The following OXCT1 variants were observed in gnomAD, a reference collection of about 807,000 sequenced individuals.
The protein encoded by OXCT1 is 3-oxoacid CoA-transferase 1, also known as succinyl-CoA:3-ketoacid coenzyme A transferase 1, mitochondrial.
In OXCT1, 27 loss-of-function variants were observed where a neutral mutation model predicts 69.6. The ratio of observed to expected loss-of-function variants is 0.39; its 90% CI spans 0.29 to 0.54. The LOEUF is 0.54. OXCT1 is among the 20% of genes least tolerant of loss of function. OXCT1 has a pLI of 0.72. For synonymous variants in OXCT1, 202 were observed against 217.8 expected (o/e 0.93, Z 0.64); for missense variants, 437 against 650.2 (o/e 0.67, Z 3.57).
intron 3 of OXCT1, 79 bp from the exon 4 acceptor site, chr5:41,853,633 G>A: frequency 6.8e-7 from 1 of 1,462,034 alleles, no homozygotes; most frequent in East Asian, 2.4e-5. Context: ...ATAAAACTTT[G>A]TTAATTTAAA....
chr5:41,840,590 G>T lies in OXCT1; in HGVS notation c.672-79C>A, dbSNP rs905053259. The T allele has an allele frequency of 3.6e-6, 3 of 826,256 alleles. No homozygotes were observed. In the South Asian group the frequency reaches 4.6e-5, roughly 13 times the overall value. 51.2% of individuals were successfully genotyped at this position (826,256 alleles called of 1,614,324 possible). A position where few individuals can be genotyped will look rare whatever the true frequency, so the allele number is the denominator to read the frequency against. On this transcript the variant is annotated intron_variant, in intron 6 of 16. Coordinates refer to ENST00000196371, the MANE Select transcript of OXCT1 (RefSeq NM_000436.4). Reference sequence around the variant, plus strand: ...TCTCTGTCACCTTTAAGGTTTTATAGATTAGAATTTCTATGAACTAAGAAT... The same window carrying T: ...TCTCTGTCACCTTTAAGGTTTTATATATTAGAATTTCTATGAACTAAGAAT...
chr5:41,834,488 A>AC (rs1748258059), intron 7 of OXCT1, among the ~76,000 whole-genome samples: 3 of 83,714 alleles, frequency 3.6e-5, no homozygotes, highest in Non-Finnish European at 7.0e-5. Flanking sequence ...GGAAACCCAC[A>AC]AAAAAAAAAA....
At chr5:41,844,527 T>C (rs964248560) in intron 5 of OXCT1, among the ~76,000 whole-genome samples, 11 of 152,006 alleles carry the variant, frequency 7.2e-5, no homozygotes, top group African/African-American at 2.4e-4. Context: ...TTTCTAAATG[T>C]CAACGAGGTG....
chr5:41,842,469 A>T (rs1748672936), intron 6 of OXCT1, among the ~76,000 whole-genome samples: 2 of 152,228 alleles, frequency 1.3e-5, no homozygotes, highest in African/African-American at 2.4e-5. Context: ...TTTAACAAGC[A>T]GTGCAACATA....
intron 13 of OXCT1, among the ~76,000 whole-genome samples, chr5:41,764,489 G>A (rs1052195445): frequency 1.1e-4 from 16 of 152,132 alleles, no homozygotes; most frequent in African/African-American, 3.6e-4. Flanking sequence ...TCCTGGAAAA[G>A]CTTGTTGCCT....
chr5:41,814,688 A>T (rs1377523879), intron 7 of OXCT1, among the ~76,000 whole-genome samples: 3 of 135,396 alleles, frequency 2.2e-5, no homozygotes, highest in African/African-American at 8.4e-5. Flanking sequence ...GAACACATGG[A>T]CACAGGAAGG....
intron 1 of OXCT1, among the ~76,000 whole-genome samples, chr5:41,868,715 T>C (rs1375737850): frequency 1.4e-5 from 2 of 147,532 alleles, no homozygotes; most frequent in African/African-American, 2.5e-5. Context: ...AGAGCGAGAC[T>C]CCGTCTCAAA....
chr5:41,807,423 C>A lies in OXCT1; in HGVS notation c.748G>T (p.Asp250Tyr). ...TTVVEVEEIV[D>Y]IGAFAPEDIH... ...TCTTCTGGAGCAAATGCTCCAATAT[C>A]CACAATTTCTTCAACCTAGACAAAG... The change falls in exon 8 of 17, where the codon GAT (aspartate) becomes TAT (tyrosine). Residue 250 changes from aspartate (D) to tyrosine (Y), a missense_variant. By Grantham distance (160) the Asp-to-Tyr change is radical. Around this residue, in one of 4 missense-constraint regions of OXCT1, gnomAD observed 252 missense variants for 397.4 expected, o/e 0.63. Coordinates refer to ENST00000196371, the MANE Select transcript of OXCT1 (RefSeq NM_000436.4). 6.3e-7 allele frequency: 1 copy of A among 1,593,984 alleles called. No homozygotes were observed. Among genetic ancestry groups the A allele is most frequent in the Non-Finnish European group, 8.6e-7 (1 of 1,162,606 alleles).
At chr5:41,865,184 C>T (rs1372756432) in intron 1 of OXCT1, among the ~76,000 whole-genome samples, 1 of 152,136 alleles carries the variant, frequency 6.6e-6, no homozygotes, top group Non-Finnish European at 1.5e-5. Flanking sequence ...AACAGAAGGT[C>T]TTATTCATTC....
At chr5:41,826,642 A>G (rs1031255661) in intron 7 of OXCT1, among the ~76,000 whole-genome samples, 3 of 152,136 alleles carry the variant, frequency 2.0e-5, no homozygotes, top group African/African-American at 7.2e-5. Context: ...TCAAAAAAAA[A>G]ATGAAAAGAA....
At chr5:41,812,220 G>A (rs2112298286) in intron 7 of OXCT1, among the ~76,000 whole-genome samples, 1 of 152,108 alleles carries the variant, frequency 6.6e-6, no homozygotes, top group South Asian at 2.1e-4. Context: ...ATTGGAAATA[G>A]ACCAGGAAGT....
At chr5:41,862,166 G>A (rs988343597) in intron 2 of OXCT1, among the ~76,000 whole-genome samples, 2 of 152,124 alleles carry the variant, frequency 1.3e-5, no homozygotes, top group Admixed American at 6.5e-5. Flanking sequence ...AACTGAGATC[G>A]CACCACTGCA....
intron 16 of OXCT1, among the ~76,000 whole-genome samples, chr5:41,735,359 C>T (rs1245198946): frequency 6.6e-6 from 1 of 152,136 alleles, no homozygotes; most frequent in Non-Finnish European, 1.5e-5. Context: ...AGGGCAAATA[C>T]TGTATAACTC....
intron 7 of OXCT1, among the ~76,000 whole-genome samples, chr5:41,822,851 G>A (rs35520000): frequency 1.3e-5 from 2 of 151,988 alleles, no homozygotes; most frequent in African/African-American, 4.8e-5. Context: ...TATTAAAGTG[G>A]ATTTCTTATA....
In OXCT1 at chr5:41,791,806, A is replaced by AT. The variant is rs998999445; in HGVS notation, c.1248+2196dup. 5.7e-4 allele frequency among the ~76,000 whole-genome samples: 85 copies of AT among 148,102 alleles called. No individual in the cohort carries two copies. The Middle Eastern group carries it at 0.014, about 24-fold the overall frequency. On this transcript the variant is annotated intron_variant, in intron 13 of 16. Coordinates refer to ENST00000196371, the MANE Select transcript of OXCT1 (RefSeq NM_000436.4). Reference sequence around the variant, plus strand: ...AACTTCTTTTTTATTTTATTTATTTATTTTTTTTTTTATGAGACGGAGTCT... The same window carrying AT: ...AACTTCTTTTTTATTTTATTTATTTATTTTTTTTTTTTATGAGACGGAGTCT...
chr5:41,850,842 T>C (rs968571216), intron 4 of OXCT1, among the ~76,000 whole-genome samples: 1 of 152,196 alleles, frequency 6.6e-6, no homozygotes, highest in Non-Finnish European at 1.5e-5. Context: ...ACCAGTGATT[T>C]CAAGACTAGT....
At chr5:41,745,143 G>T (rs1743403489) in intron 15 of OXCT1, among the ~76,000 whole-genome samples, 1 of 151,800 alleles carries the variant, frequency 6.6e-6, no homozygotes, top group Non-Finnish European at 1.5e-5. Flanking sequence ...TGATCACATA[G>T]TTGGAAGTAA....
At chr5:41,843,091 T>C (rs939448586) in intron 5 of OXCT1, among the ~76,000 whole-genome samples, 7 of 152,168 alleles carry the variant, frequency 4.6e-5, no homozygotes, top group Non-Finnish European at 8.8e-5. Context: ...TATGTACAGG[T>C]TGTATATTGA....
At chr5:41,799,852 A>C (rs1452788666) in intron 11 of OXCT1, among the ~76,000 whole-genome samples, 2 of 152,228 alleles carry the variant, frequency 1.3e-5, no homozygotes, top group African/African-American at 4.8e-5. Context: ...CTAAGTATCA[A>C]ACATCAATTT....
Sources: gnomAD v4.1 joint callset for allele counts (sites outside exome capture counted in the v4.1 genomes callset) on GRCh38, gnomAD v4.1.1 for gene constraint, gnomAD v4.1.1 regional missense constraint, MANE v1.5 for transcripts, NCBI Gene and HGNC (gene_info 2026-07-23, HGNC 2026-07-21) for gene names.